The following SCRT2 variants were observed in gnomAD, a reference collection of about 807,000 sequenced individuals.
The protein encoded by SCRT2 is scratch family transcriptional repressor 2.
Under a neutral mutation model 3.7 loss-of-function variants are expected in SCRT2, and 2 were observed. That is an observed-to-expected ratio of 0.54 (90% CI 0.22 to 1.70). The LOEUF is 1.70. Ranked by LOEUF, SCRT2 falls within the 40% of genes most tolerant of loss-of-function variation. The pLI is 0.19. For synonymous variants in SCRT2, 256 were observed against 220.6 expected (o/e 1.16, Z -1.42); for missense variants, 456 against 468.5 (o/e 0.97, Z 0.25).
At position 665,159 on chromosome 20, in the gene SCRT2, A is replaced by G. The variant is rs1179183194; in HGVS notation, c.134-698T>C. ...GGTGGGGGAGCATACAGTAATTGCT[A>G]TATAAATGTTAGCTATTATAATTAT... On this transcript the variant is annotated intron_variant, in intron 1 of 1. Coordinates refer to ENST00000246104, the MANE Select transcript of SCRT2 (RefSeq NM_033129.4). The surrounding 1 kb of genome is among the most constrained non-coding windows in gnomAD (Gnocchi z 5.0). Among the ~76,000 whole-genome samples, 1 of 152,256 alleles carries G rather than the reference A, an allele frequency of 6.6e-6. No individual in the cohort carries two copies. The highest frequency in any genetic ancestry group is 1.5e-5 in the Non-Finnish European group (1 of 68,048).
chr20:663,134 G>A lies in SCRT2; in HGVS notation c.*537C>T, dbSNP rs1600470437. 6.5e-6 allele frequency: 1 copy of A among 153,768 alleles called. No individual in the cohort carries two copies. Among genetic ancestry groups the A allele is most frequent in the African/African-American group, 2.4e-5 (1 of 41,474 alleles). 9.5% of individuals were successfully genotyped at this position (153,768 alleles called of 1,614,324 possible). ...TGGACACACTCTGGGAGATTCAGCA[G>A]AGGCCAGAGGGATGGTCTGGGGTTG... On this transcript the variant is annotated 3_prime_UTR_variant, in exon 2 of 2. Coordinates refer to ENST00000246104, the MANE Select transcript of SCRT2 (RefSeq NM_033129.4). The surrounding 1 kb of genome is among the most constrained non-coding windows in gnomAD (Gnocchi z 6.9).
At chr20:669,369 C>T (rs150778841) in intron 1 of SCRT2, among the ~76,000 whole-genome samples, 150 of 152,328 alleles carry the variant, frequency 9.8e-4, no homozygotes, top group South Asian at 2.3e-3. Context: ...CCTTGACCCA[C>T]CTCAGGTCAC....
intron 1 of SCRT2, among the ~76,000 whole-genome samples, chr20:672,192 A>C (rs1984354445): frequency 6.6e-6 from 1 of 152,072 alleles, no homozygotes; most frequent in African/African-American, 2.4e-5. Flanking sequence ...GGGACAATGA[A>C]ATTAGATCTA....
At chr20:671,663 G>T (rs1484625627) in intron 1 of SCRT2, among the ~76,000 whole-genome samples, 1 of 152,190 alleles carries the variant, frequency 6.6e-6, no homozygotes, top group Non-Finnish European at 1.5e-5. Flanking sequence ...AGTGGGCGCT[G>T]GTTTAATGTG....
intron 1 of SCRT2, among the ~76,000 whole-genome samples, chr20:674,047 T>C (rs886552389): frequency 6.6e-6 from 1 of 152,110 alleles, no homozygotes; most frequent in Non-Finnish European, 1.5e-5. Flanking sequence ...AAGAGGACAG[T>C]AGAATAAGGG....
rs978678736 is a variant in SCRT2, at chr20:675,477, C to T, written c.125G>A (p.Gly42Glu). 4 of 1,349,276 alleles carry T rather than the reference C, an allele frequency of 3.0e-6. No individual in the cohort carries two copies. Among genetic ancestry groups the T allele is most frequent in the Non-Finnish European group, 3.8e-6 (4 of 1,046,228 alleles). The allele number at this position is 1,349,276 out of a possible 1,614,324, so 83.6% of individuals were successfully genotyped here. Residue 42 changes from glycine (G) to glutamate (E), a missense_variant, in exon 1 of 2, where the codon GGG (glycine) becomes GAG (glutamate). This residue lies in a region of SCRT2 where 306 missense variants were observed against 305.3 expected (regional missense o/e 1.00). Transcript: ENST00000246104. The surrounding 1 kb of genome is among the most constrained non-coding windows in gnomAD (Gnocchi z 6.9). ...CGCCGGGTCCCACTCACCGTTGTCC[C>T]CGGGAGGCCCCCGGGCGCCAGGCAG... ...YVLPGARGPP[G>E]DNGYAPHRLP...
In SCRT2 at chr20:663,698, C is replaced by T; in HGVS notation, c.897G>A (p.Pro299=). ...AGCTGGCCGGGCCGGCGGGGGTCGGCGGGGGTGGCTCGGCCGCCTTGGCGC... is the reference window on the plus strand; with the variant it reads ...AGCTGGCCGGGCCGGCGGGGGTCGGTGGGGGTGGCTCGGCCGCCTTGGCGC... ...AACAKAAEPP[P]PTPAGPAS Residue 299 remains proline, a synonymous_variant, in exon 2 of 2, where the codon CCG becomes CCA. Transcript: ENST00000246104. The surrounding 1 kb of genome is among the most constrained non-coding windows in gnomAD (Gnocchi z 6.9). 2.6e-6 allele frequency: 4 copies of T among 1,513,946 alleles called. No individual in the cohort carries two copies. Among genetic ancestry groups the T allele is most frequent in the Middle Eastern group, 2.0e-4 (1 of 4,894 alleles). 93.8% of individuals were successfully genotyped at this position (1,513,946 alleles called of 1,614,324 possible).
In SCRT2 at chr20:664,121, G is replaced by A. The variant is rs146731100; in HGVS notation, c.474C>T (p.Ala158=). The part of the protein sequence containing the change: ...QAGGGHRHAC[A]ECGKTYATSS... ...ACGTGGCGTAGGTCTTGCCGCACTC[G>A]GCGCACGCGTGCCGGTGCCCGCCGC... The change falls in exon 2 of 2, where the codon GCC becomes GCT. Residue 158 remains alanine, a synonymous_variant. Transcript: ENST00000246104. This position sits in a 1 kb window ranked among gnomAD's most constrained non-coding sequence, Gnocchi z 7.9. 2.0e-6 allele frequency: 3 copies of A among 1,534,694 alleles called. No homozygotes were observed. The African/African-American group carries it at 4.3e-5, about 22-fold the overall frequency.
At position 662,275 on chromosome 20, in the gene SCRT2, G is replaced by A. The variant is rs879053140; in HGVS notation, c.*1396C>T. ...CGGTCCCTGGAACCTGGGGTCCCTC[G>A]GGAAGAAGAATAAACAGGAAACAAA... On this transcript the variant is annotated 3_prime_UTR_variant, in exon 2 of 2. Transcript: ENST00000246104. 3 of 152,760 alleles carry A rather than the reference G, an allele frequency of 2.0e-5. 1 individual carries two copies. The highest frequency in any genetic ancestry group is 4.1e-4 in the South Asian group (2 of 4,840). The allele number at this position is 152,760 out of a possible 1,614,324, so 9.5% of individuals were successfully genotyped here.
At chr20:669,208 T>C (rs969321329) in intron 1 of SCRT2, among the ~76,000 whole-genome samples, 2 of 152,254 alleles carry the variant, frequency 1.3e-5, no homozygotes, top group African/African-American at 4.8e-5. Flanking sequence ...TAAGTATTTG[T>C]AAATCATACT....
rs1475499764 is a variant in SCRT2, at chr20:675,571, T to G, written c.31A>C (p.Lys11Gln). 5 of 1,354,494 alleles carry G rather than the reference T, an allele frequency of 3.7e-6. No homozygotes were observed. Among genetic ancestry groups the G allele is most frequent in the Non-Finnish European group, 4.8e-6 (5 of 1,048,502 alleles). The allele number at this position is 1,354,494 out of a possible 1,614,324, so 83.9% of individuals were successfully genotyped here. The change falls in exon 1 of 2, where the codon AAA becomes CAA. Residue 11 changes from lysine (K) to glutamine (Q), a missense_variant. Physicochemically the swap from Lys to Gln is moderately conservative, Grantham distance 53 (BLOSUM62 1). Around this residue, in one of 3 missense-constraint regions of SCRT2, gnomAD observed 306 missense variants for 305.3 expected, o/e 1.00. Coordinates refer to ENST00000246104, the MANE Select transcript of SCRT2 (RefSeq NM_033129.4). The surrounding 1 kb of genome is among the most constrained non-coding windows in gnomAD (Gnocchi z 6.9). Reference protein sequence around the residue: MPRSFLVKKIKGDGFQCSGVP... With the variant: MPRSFLVKKIQGDGFQCSGVP... ...CCGCTGCACTGGAAGCCGTCCCCTT[T>G]GATCTTCTTTACCAGGAAGGAGCGC...
At position 665,813 on chromosome 20, in the gene SCRT2, G is replaced by A. The variant is rs1252883097; in HGVS notation, c.134-1352C>T. 6.6e-6 allele frequency among the ~76,000 whole-genome samples: 1 copy of A among 152,142 alleles called. No homozygotes were observed. Among genetic ancestry groups the A allele is most frequent in the Non-Finnish European group, 1.5e-5 (1 of 68,014 alleles). ...GGGGAGTGGGATTTGACCTTCTCCT[G>A]GTGACCCCTGAGACCTGTAACCACT... On this transcript the variant is annotated intron_variant, in intron 1 of 1. Transcript: ENST00000246104. This position sits in a 1 kb window ranked among gnomAD's most constrained non-coding sequence, Gnocchi z 5.0.
In SCRT2 at chr20:664,180, C is replaced by T. The variant is rs1984069677; in HGVS notation, c.415G>A (p.Gly139Arg). Residue 139 changes from glycine (G) to arginine (R), a missense_variant, in exon 2 of 2, where the codon GGG (glycine) becomes AGG (arginine). By Grantham distance (125) the Gly-to-Arg change is moderately radical. Coordinates refer to ENST00000246104, the MANE Select transcript of SCRT2 (RefSeq NM_033129.4). This position sits in a 1 kb window ranked among gnomAD's most constrained non-coding sequence, Gnocchi z 7.9. ...AGGSGDAGGA[G>R]GRAGRAGAQA... is the part of the protein sequence containing the mutation. ...GCCCCCGCGCGCCCCGCGCGCCCCC[C>T]GGCGCCCCCCGCGTCTCCCGAGCCC... 3.8e-6 allele frequency: 4 copies of T among 1,052,864 alleles called. No individual in the cohort carries two copies. The East Asian group carries it at 2.2e-4, about 57-fold the overall frequency. The allele number at this position is 1,052,864 out of a possible 1,614,324, so 65.2% of individuals were successfully genotyped here.
intron 1 of SCRT2, among the ~76,000 whole-genome samples, chr20:668,660 C>T (rs1021960444): frequency 2.0e-5 from 3 of 152,202 alleles, no homozygotes; most frequent in Admixed American, 6.5e-5. Flanking sequence ...TGGAGATGTG[C>T]ACATGTCACC....
chr20:673,002 C>G (rs1984395509), intron 1 of SCRT2, among the ~76,000 whole-genome samples: 1 of 152,098 alleles, frequency 6.6e-6, no homozygotes, highest in Non-Finnish European at 1.5e-5. Context: ...ACTGCCCAGT[C>G]TGGCCGCACC....
At position 665,270 on chromosome 20, in the gene SCRT2, G is replaced by C. The variant is rs11905984; in HGVS notation, c.134-809C>G. On this transcript the variant is annotated intron_variant, in intron 1 of 1. Transcript: ENST00000246104. The surrounding 1 kb of genome is among the most constrained non-coding windows in gnomAD (Gnocchi z 5.0). ...GATCTGTGTGCCCAGCACATGCCTG[G>C]CTCAAAGTAGGTGTGCGATGAATAG... 0.03 allele frequency among the ~76,000 whole-genome samples: 4,497 copies of C among 152,298 alleles called. 195 individuals carry two copies. Among genetic ancestry groups the C allele is most frequent in the African/African-American group, 0.091 (3,774 of 41,530 alleles).
At position 666,823 on chromosome 20, in the gene SCRT2, CAT is replaced by C. The variant is rs1984169752; in HGVS notation, c.134-2364_134-2363del. 6.6e-6 allele frequency among the ~76,000 whole-genome samples: 1 copy of C among 152,224 alleles called. No individual in the cohort carries two copies. Among genetic ancestry groups the C allele is most frequent in the Admixed American group, 6.5e-5 (1 of 15,288 alleles). On this transcript the variant is annotated intron_variant, in intron 1 of 1. Coordinates refer to ENST00000246104, the MANE Select transcript of SCRT2 (RefSeq NM_033129.4). This position sits in a 1 kb window ranked among gnomAD's most constrained non-coding sequence, Gnocchi z 4.4. Reference sequence around the variant, plus strand: ...CTGGTCTCAGGGCAGGTCTGCATCTCATGTGTCTGGGGCCATGGAAGGGGAAG... The same window carrying C: ...CTGGTCTCAGGGCAGGTCTGCATCTCGTGTCTGGGGCCATGGAAGGGGAAG...
At chr20:674,880 C>T (rs971690599) in intron 1 of SCRT2, among the ~76,000 whole-genome samples, 1 of 152,098 alleles carries the variant, frequency 6.6e-6, no homozygotes, top group Non-Finnish European at 1.5e-5. Context: ...TCTTGCAGTC[C>T]CCAGGACAGG....
Position 663,321 on chromosome 20 carries a change from T to C in SCRT2, c.*350A>G, listed in dbSNP as rs1984020530. The C allele has an allele frequency of 7.2e-6, 2 of 277,666 alleles. No homozygotes were observed. Among genetic ancestry groups the C allele is most frequent in the Non-Finnish European group, 1.3e-5 (2 of 148,828 alleles). 17.2% of individuals were successfully genotyped at this position (277,666 alleles called of 1,614,324 possible). A position where few individuals can be genotyped will look rare whatever the true frequency, so the allele number is the denominator to read the frequency against. On this transcript the variant is annotated 3_prime_UTR_variant, in exon 2 of 2. Coordinates refer to ENST00000246104, the MANE Select transcript of SCRT2 (RefSeq NM_033129.4). The surrounding 1 kb of genome is among the most constrained non-coding windows in gnomAD (Gnocchi z 6.9). ...GAAGCGAGAGAAAAGATCTAGAAGT[T>C]AGAAGAGCAGCGCGGGGTCTGGGAG... is the stretch of plus-strand genomic sequence containing the variant.
Sources: gnomAD v4.1 joint callset for allele counts (sites outside exome capture counted in the v4.1 genomes callset) on GRCh38, gnomAD v4.1.1 for gene constraint, gnomAD v4.1.1 regional missense constraint, Gnocchi (gnomAD v3.1) non-coding constraint, MANE v1.5 for transcripts, NCBI Gene and HGNC (gene_info 2026-07-23, HGNC 2026-07-21) for gene names.